TRIP12: variants seen among roughly 807,000 people sequenced by gnomAD.
TRIP12 encodes the protein E3 ubiquitin-protein ligase TRIP12.
In TRIP12, 25 loss-of-function variants were observed where a neutral mutation model predicts 244.2. The ratio of observed to expected loss-of-function variants is 0.10; its 90% CI spans 0.07 to 0.14. TRIP12 has a LOEUF of 0.14. TRIP12 is among the 10% of genes least tolerant of loss of function. TRIP12 has a pLI of 1.00. For missense variants in TRIP12, 1,677 were observed against 2,486.4 expected, an observed-to-expected ratio of 0.67 and a Z score of 6.92; for synonymous variants, 905 against 873.1, an observed-to-expected ratio of 1.04 and a Z score of -0.64.
chr2:229,878,566 T>G (rs1468290812), intron 2 of TRIP12, among the ~76,000 whole-genome samples: 1 of 152,026 alleles, frequency 6.6e-6, no homozygotes, highest in Non-Finnish European at 1.5e-5. Flanking sequence ...ATTCTTTACA[T>G]TTGACATTAA....
intron 11 of TRIP12, 94 bp downstream of exon 11, chr2:229,815,005 A>T: frequency 1.1e-6 from 1 of 949,860 alleles, no homozygotes; most frequent in Non-Finnish European, 1.6e-6. Context: ...GCTAAAAAAT[A>T]TACTTTATTT....
At chr2:229,815,252 A>C (rs746988285) in intron 10 of TRIP12, 21 bp downstream of exon 10, 8 of 1,525,240 alleles carry the variant, frequency 5.2e-6, no homozygotes, top group Non-Finnish European at 6.3e-6. Flanking sequence ...ACACCATTAA[A>C]AAAATACAAT....
chr2:229,786,376 T>A (rs2039995472), intron 33 of TRIP12, among the ~76,000 whole-genome samples: 1 of 147,158 alleles, frequency 6.8e-6, no homozygotes, highest in Non-Finnish European at 1.5e-5. Flanking sequence ...GGAATCCTAA[T>A]AAAGATACGA....
At chr2:229,805,907 T>C (rs1225923608) in intron 17 of TRIP12, 24 bp from the exon 18 acceptor site, 1 of 1,501,082 alleles carries the variant, frequency 6.7e-7, no homozygotes, top group Non-Finnish European at 9.0e-7. Flanking sequence ...GAGAGAAACT[T>C]TGAATATAAA....
At chr2:229,768,477 C>G (rs1365595738) in intron 41 of TRIP12, 139 bp downstream of exon 41, 10 of 706,378 alleles carry the variant, frequency 1.4e-5, no homozygotes, top group Non-Finnish European at 2.1e-5. Context: ...CTAGTGGTCT[C>G]AATGTACTAT....
chr2:229,805,023 A>G (rs2045487835), intron 18 of TRIP12, among the ~76,000 whole-genome samples: 1 of 152,110 alleles, frequency 6.6e-6, no homozygotes, highest in Non-Finnish European at 1.5e-5. Flanking sequence ...CCTCTGCCTC[A>G]GCCTCCTGAG....
intron 37 of TRIP12, among the ~76,000 whole-genome samples, chr2:229,775,721 T>C (rs2036026425): frequency 6.6e-6 from 1 of 151,546 alleles, no homozygotes; most frequent in Admixed American, 6.6e-5. Flanking sequence ...ACATTTTCCA[T>C]ATTTCTTTAG....
intron 1 of TRIP12, among the ~76,000 whole-genome samples, chr2:229,882,903 A>C (rs1160613798): frequency 6.6e-6 from 1 of 152,216 alleles, no homozygotes; most frequent in Admixed American, 6.5e-5. Flanking sequence ...AATTCTTGAG[A>C]TATAAGAGGA....
intron 2 of TRIP12, among the ~76,000 whole-genome samples, chr2:229,873,824 T>A (rs966537972): frequency 3.9e-5 from 6 of 152,126 alleles, no homozygotes; most frequent in African/African-American, 1.4e-4. Flanking sequence ...TTATTAAAAC[T>A]TTGCAGGCAA....
intron 6 of TRIP12, among the ~76,000 whole-genome samples, chr2:229,833,390 C>G (rs1337967791): frequency 2.0e-5 from 3 of 152,124 alleles, no homozygotes; most frequent in Non-Finnish European, 4.4e-5. Context: ...AGGGCTCAAG[C>G]GATCCTCCTG....
intron 1 of TRIP12, among the ~76,000 whole-genome samples, chr2:229,910,365 G>A (rs766457177): frequency 6.6e-6 from 1 of 152,074 alleles, no homozygotes; most frequent in South Asian, 2.1e-4. Flanking sequence ...AAACAAAACC[G>A]TAACACTATG....
rs2039961495 is a variant in TRIP12, at chr2:229,786,265, T to C, written c.4996-410A>G. Among the ~76,000 whole-genome samples, 3 of 152,170 alleles carry C rather than the reference T, an allele frequency of 2.0e-5. No homozygotes were observed. The South Asian group carries it at 6.2e-4, about 32-fold the overall frequency. ...ACAGGTGAGCTGGAAACCTACTGGC[T>C]CTGATCTGCCAAGATCCTACAAGCA... On this transcript the variant is annotated intron_variant, in intron 33 of 41. Transcript: ENST00000675903.
At chr2:229,854,443 A>G (rs2059259155) in intron 4 of TRIP12, among the ~76,000 whole-genome samples, 1 of 152,202 alleles carries the variant, frequency 6.6e-6, no homozygotes, top group Non-Finnish European at 1.5e-5. Context: ...TGTACACCCT[A>G]AATTTTGTGA....
At position 229,798,928 on chromosome 2, in the gene TRIP12, C is replaced by T. The variant is rs147219558; in HGVS notation, c.3429G>A (p.Ala1143=). The T allele has an allele frequency of 7.2e-5, 116 of 1,614,204 alleles. No individual in the cohort carries two copies. The East Asian group carries it at 1.6e-3, about 23-fold the overall frequency. The change falls in exon 23 of 42, where the codon GCG becomes GCA. Residue 1143 remains alanine, a synonymous_variant. Transcript: ENST00000675903. ...NSNNIEPART[A]GGSGLARAAS... ...CAGCCCTGGCAAGGCCACTACCTCC[C>T]GCAGTCCGTGCTGGCTCAATGTTGT...
intron 2 of TRIP12, among the ~76,000 whole-genome samples, chr2:229,866,699 G>A (rs1157964627): frequency 6.6e-6 from 1 of 152,126 alleles, no homozygotes; most frequent in African/African-American, 2.4e-5. Flanking sequence ...ATAAATATAG[G>A]TAACAGTCTA....
intron 21 of TRIP12, among the ~76,000 whole-genome samples, chr2:229,800,617 A>G (rs2044039261): frequency 6.6e-6 from 1 of 152,216 alleles, no homozygotes; most frequent in Non-Finnish European, 1.5e-5. Flanking sequence ...TGAATTTTTC[A>G]TTTGCAACCA....
At position 229,792,223 on chromosome 2, in the gene TRIP12, T is replaced by C; in HGVS notation, c.4145A>G (p.Tyr1382Cys). 2 of 1,613,766 alleles carry C rather than the reference T, an allele frequency of 1.2e-6. No individual in the cohort carries two copies. The highest frequency in any genetic ancestry group is 1.7e-6 in the Non-Finnish European group (2 of 1,179,882). ...TTCATCATCTTCTCTTACTCTTCCA[T>C]ACCCTGAAGACCCAAGTAGACTTTT... The part of the protein sequence containing the change: ...AIERYLVVRG[Y>C]GRVREDDEDS... The change falls in exon 28 of 42, where the codon TAT (tyrosine) becomes TGT (cysteine). Residue 1382 changes from tyrosine to cysteine, a missense_variant. By Grantham distance (194) the Tyr-to-Cys change is radical. This residue lies in a region of TRIP12 where 265 missense variants were observed against 370.8 expected (regional missense o/e 0.71). Coordinates refer to ENST00000675903, the MANE Select transcript of TRIP12 (RefSeq NM_001348323.3).
rs1363406826 is a variant in TRIP12, at chr2:229,766,754, T to G, written c.*800A>C. On this transcript the variant is annotated 3_prime_UTR_variant, in exon 42 of 42. Coordinates refer to ENST00000675903, the MANE Select transcript of TRIP12 (RefSeq NM_001348323.3). ...ACCTTCATAAAAGAAACAAATGAGC[T>G]TTCCTTGTCTCATTCCAGAGGCTGT... 1 of 152,198 alleles carries G rather than the reference T, an allele frequency of 6.6e-6. No homozygotes were observed. Among genetic ancestry groups the G allele is most frequent in the Non-Finnish European group, 1.5e-5 (1 of 68,032 alleles). 9.4% of individuals were successfully genotyped at this position (152,198 alleles called of 1,614,324 possible). A position where few individuals can be genotyped will look rare whatever the true frequency, so the allele number is the denominator to read the frequency against.
At chr2:229,839,730 CAT>C (rs1487014646) in intron 5 of TRIP12, among the ~76,000 whole-genome samples, 1 of 151,746 alleles carries the variant, frequency 6.6e-6, no homozygotes, top group Non-Finnish European at 1.5e-5. Context: ...ACGGAGAACT[CAT>C]ATATAGCTAC....
Sources: allele counts gnomAD v4.1 joint callset (sites outside exome capture counted in the v4.1 genomes callset), GRCh38; gene constraint gnomAD v4.1.1; regional missense constraint gnomAD v4.1.1; transcripts MANE v1.5; gene names NCBI Gene and HGNC (gene_info 2026-07-23, HGNC 2026-07-21).